The following FER variants were observed in gnomAD, a reference collection of about 807,000 sequenced individuals.
The protein encoded by FER is FER tyrosine kinase, also known as tyrosine-protein kinase Fer.
A neutral mutation model predicts 111.0 loss-of-function variants in FER; 63 were observed. That is an observed-to-expected ratio of 0.57 (90% CI 0.46 to 0.70). FER has a LOEUF of 0.70. FER is among the 30% of genes least tolerant of loss of function. FER has a pLI of 0.00. For missense variants in FER, 914 were observed against 954.0 expected, an observed-to-expected ratio of 0.96 and a Z score of 0.55; for synonymous variants, 327 against 313.9, an observed-to-expected ratio of 1.04 and a Z score of -0.44.
At chr5:109,054,364 T>A (rs1444274661) in intron 16 of FER, among the ~76,000 whole-genome samples, 13 of 152,226 alleles carry the variant, frequency 8.5e-5, no homozygotes, top group Admixed American at 8.5e-4. Flanking sequence ...ATTTGCCCTT[T>A]CCCATTGAAT....
chr5:109,109,755 A>G (rs1386434790), intron 17 of FER, among the ~76,000 whole-genome samples: 1 of 152,160 alleles, frequency 6.6e-6, no homozygotes, highest in African/African-American at 2.4e-5. Context: ...AAAGATAGCC[A>G]CATAAAGCAA....
intron 10 of FER, among the ~76,000 whole-genome samples, chr5:108,911,625 CGAGTT>C (rs1751560633): frequency 6.6e-6 from 1 of 151,946 alleles, no homozygotes; most frequent in Admixed American, 6.6e-5. Flanking sequence ...TAATCCATCT[CGAGTT>C]AATTTTTGTA....
At chr5:108,881,850 C>T (rs535634904) in intron 8 of FER, among the ~76,000 whole-genome samples, 5 of 152,146 alleles carry the variant, frequency 3.3e-5, no homozygotes, top group Non-Finnish European at 7.4e-5. Context: ...CCTAGAGGCT[C>T]CATCTCCAGA....
chr5:109,149,178 T>C (rs952135233), intron 17 of FER, among the ~76,000 whole-genome samples: 2 of 152,196 alleles, frequency 1.3e-5, no homozygotes, highest in Admixed American at 6.6e-5. Context: ...TGTAACGTTA[T>C]TTAAAGATGA....
At chr5:108,794,203 A>G (rs933483252) in intron 2 of FER, among the ~76,000 whole-genome samples, 54 of 146,332 alleles carry the variant, frequency 3.7e-4, no homozygotes, top group African/African-American at 1.1e-3. Flanking sequence ...AATCCCCCTT[A>G]GCATTTCCTT....
At chr5:109,163,226 A>C (rs1756185932) in intron 17 of FER, among the ~76,000 whole-genome samples, 1 of 149,856 alleles carries the variant, frequency 6.7e-6, no homozygotes, top group African/African-American at 2.5e-5. Flanking sequence ...ATGTTAGTTT[A>C]TGCTTTTTTA....
intron 10 of FER, among the ~76,000 whole-genome samples, chr5:108,925,974 A>T (rs902591058): frequency 7.9e-5 from 12 of 151,948 alleles, no homozygotes; most frequent in Admixed American, 3.3e-4. Context: ...AGTGACTTGC[A>T]TAACTTAAAT....
rs1196046672 is a variant in FER, at chr5:108,893,298, G to GT, written c.1047-4351dup. ...CACGATATTGGTTCTTCCTACCCTT[G>GT]TTTTTTTTTTCTAAAAGTTTAATAG... On this transcript the variant is annotated intron_variant, in intron 9 of 19. Transcript: ENST00000281092. Among the ~76,000 whole-genome samples the GT allele has an allele frequency of 6.7e-3, 977 of 145,330 alleles. 15 individuals carry two copies. The highest frequency in any genetic ancestry group is 0.023 in the African/African-American group (895 of 39,706).
intron 17 of FER, among the ~76,000 whole-genome samples, chr5:109,165,083 TC>T (rs1228021677): frequency 6.6e-6 from 1 of 152,186 alleles, no homozygotes; most frequent in Non-Finnish European, 1.5e-5. Flanking sequence ...ACATAAAAGT[TC>T]CATGAGGACA....
At chr5:108,783,222 C>T (rs2150001009) in intron 2 of FER, among the ~76,000 whole-genome samples, 1 of 152,264 alleles carries the variant, frequency 6.6e-6, no homozygotes, top group South Asian at 2.1e-4. Flanking sequence ...TGACTGTATC[C>T]TGTGTCATCT....
At chr5:108,771,818 G>C (rs1033171602) in intron 2 of FER, among the ~76,000 whole-genome samples, 1 of 152,114 alleles carries the variant, frequency 6.6e-6, no homozygotes, top group Non-Finnish European at 1.5e-5. Flanking sequence ...CAGATCCTGA[G>C]AACATGGGTA....
In FER at chr5:109,087,699, G is replaced by T. The variant is rs74912996; in HGVS notation, c.1925-12697G>T. 6.0e-5 allele frequency among the ~76,000 whole-genome samples: 9 copies of T among 150,582 alleles called. No individual in the cohort carries two copies. In the East Asian group the frequency reaches 1.8e-3, roughly 29 times the overall value. ...GCACTTTTTTTTTGGTTTTTGTTTT[G>T]GTAGTGGGAGGAGATTTATTTGCTT... On this transcript the variant is annotated intron_variant, in intron 16 of 19. Coordinates refer to ENST00000281092, the MANE Select transcript of FER (RefSeq NM_005246.4).
At chr5:108,861,289 T>G (rs549802558) in intron 5 of FER, among the ~76,000 whole-genome samples, 1 of 152,362 alleles carries the variant, frequency 6.6e-6, no homozygotes, top group South Asian at 2.1e-4. Flanking sequence ...AGTGACTTTT[T>G]AGACTAGCTT....
chr5:109,011,784 T>G, intron 13 of FER, among the ~76,000 whole-genome samples: 1 of 152,210 alleles, frequency 6.6e-6, no homozygotes, highest in East Asian at 1.9e-4. Flanking sequence ...GCTTCCTCTT[T>G]TATTTTTTCT....
intron 3 of FER, chr5:108,830,844 T>C (rs1276566799): frequency 1.3e-5 from 2 of 152,208 alleles, no homozygotes; most frequent in African/African-American, 2.4e-5. Flanking sequence ...GGGAGTGAGA[T>C]AGAGCCAGGC....
At chr5:108,766,665 C>T (rs1752357282) in intron 1 of FER, among the ~76,000 whole-genome samples, 2 of 152,140 alleles carry the variant, frequency 1.3e-5, no homozygotes, top group Admixed American at 6.5e-5. Flanking sequence ...GATCTGTTTG[C>T]TGACCAGAAG....
intron 17 of FER, among the ~76,000 whole-genome samples, chr5:109,180,221 C>T (rs939551916): frequency 6.6e-6 from 1 of 152,150 alleles, no homozygotes; most frequent in Admixed American, 6.5e-5. Context: ...TCTCTGGTAC[C>T]TCAGCCACTT....
At chr5:108,813,861 C>T (rs1758006459) in intron 3 of FER, among the ~76,000 whole-genome samples, 2 of 152,068 alleles carry the variant, frequency 1.3e-5, no homozygotes, top group African/African-American at 4.8e-5. Flanking sequence ...ACCATTCCTT[C>T]GTCTTCTTGT....
In FER at chr5:109,100,371, A is replaced by G. The variant is rs201802157; in HGVS notation, c.1925-25A>G. 2.4e-5 allele frequency: 39 copies of G among 1,607,108 alleles called. No homozygotes were observed. In the African/African-American group the frequency reaches 5.2e-4, roughly 21 times the overall value. On this transcript the variant is annotated intron_variant, in intron 16 of 19. Transcript: ENST00000281092. ...GTGACTTTCATCATAACTTTGTCTCATTGTTCATCTATCAATTCCTCTAGG... is the reference window on the plus strand; with the variant it reads ...GTGACTTTCATCATAACTTTGTCTCGTTGTTCATCTATCAATTCCTCTAGG...
Sources: gnomAD v4.1 joint callset for allele counts (sites outside exome capture counted in the v4.1 genomes callset) on GRCh38, gnomAD v4.1.1 for gene constraint, MANE v1.5 for transcripts, NCBI Gene and HGNC (gene_info 2026-07-23, HGNC 2026-07-21) for gene names.